The following MLIP variants were observed in gnomAD, a reference collection of about 807,000 sequenced individuals.
MLIP encodes the protein muscular LMNA-interacting protein.
A neutral mutation model predicts 84.8 loss-of-function variants in MLIP; 79 were observed. The ratio of observed to expected loss-of-function variants is 0.93; its 90% CI spans 0.78 to 1.12. The LOEUF is 1.12. MLIP is among the 50% of genes most tolerant of loss of function. MLIP has a pLI of 0.00. For missense variants in MLIP, 1,257 were observed against 1,160.6 expected (o/e 1.08, Z -1.21); for synonymous variants, 504 against 463.0 (o/e 1.09, Z -1.14).
chr6:54,123,761 C>G (rs1321309805), intron 2 of MLIP, among the ~76,000 whole-genome samples: 1 of 152,184 alleles, frequency 6.6e-6, no homozygotes, highest in Non-Finnish European at 1.5e-5. Flanking sequence ...TAAACACAAT[C>G]TCAGTATACA....
chr6:54,139,186 A>G (rs1428519961), intron 4 of MLIP, among the ~76,000 whole-genome samples: 1 of 152,202 alleles, frequency 6.6e-6, no homozygotes, highest in Non-Finnish European at 1.5e-5. Flanking sequence ...TCTTAGAATA[A>G]TTCAATTTTA....
chr6:54,139,997 G>T (rs1772150780), intron 4 of MLIP, among the ~76,000 whole-genome samples: 1 of 152,022 alleles, frequency 6.6e-6, no homozygotes, highest in Non-Finnish European at 1.5e-5. Flanking sequence ...AACTTTTTCT[G>T]TGATTCTCAA....
intron 1 of MLIP, among the ~76,000 whole-genome samples, chr6:54,073,794 A>G (rs575703003): frequency 6.6e-6 from 1 of 152,334 alleles, no homozygotes; most frequent in Non-Finnish European, 1.5e-5. Flanking sequence ...CATAACTGAA[A>G]TCTCAAATTT....
intron 1 of MLIP, among the ~76,000 whole-genome samples, chr6:54,099,869 G>T (rs1039615462): frequency 1.3e-5 from 2 of 152,098 alleles, no homozygotes; most frequent in African/African-American, 2.4e-5. Flanking sequence ...TTTATGAAGA[G>T]ATATAAGGGT....
intron 12 of MLIP, among the ~76,000 whole-genome samples, chr6:54,235,948 C>A (rs1478449736): frequency 6.6e-6 from 1 of 152,158 alleles, no homozygotes; most frequent in East Asian, 1.9e-4. Flanking sequence ...TCCTTATCAA[C>A]TGTAGGTCAG....
At chr6:54,095,299 G>T (rs530301307) in intron 1 of MLIP, among the ~76,000 whole-genome samples, 1 of 152,256 alleles carries the variant, frequency 6.6e-6, no homozygotes, top group Non-Finnish European at 1.5e-5. Flanking sequence ...CAGGTACATC[G>T]TGGGGAAGAC....
upstream of MLIP, among the ~76,000 whole-genome samples, chr6:54,108,886 G>A (rs898772287): frequency 1.3e-5 from 2 of 152,008 alleles, no homozygotes; most frequent in African/African-American, 2.4e-5. Flanking sequence ...GTTTCATAGC[G>A]TTTGAATCCA....
At chr6:54,054,953 T>C (rs1416177835) in intron 1 of MLIP, among the ~76,000 whole-genome samples, 1 of 152,024 alleles carries the variant, frequency 6.6e-6, no homozygotes, top group African/African-American at 2.4e-5. Context: ...ACTGGCTTGA[T>C]CTCGGCTCAC....
At chr6:54,099,207 T>A (rs1415749176) in intron 1 of MLIP, among the ~76,000 whole-genome samples, 1 of 152,014 alleles carries the variant, frequency 6.6e-6, no homozygotes, top group Non-Finnish European at 1.5e-5. Flanking sequence ...ATTTAAAAAA[T>A]AATTTAAATT....
chr6:54,147,662 C>G (rs1255442721), intron 4 of MLIP, among the ~76,000 whole-genome samples: 1 of 151,976 alleles, frequency 6.6e-6, no homozygotes, highest in East Asian at 1.9e-4. Flanking sequence ...CTTCGGAGCT[C>G]TTGTGCACGT....
intron 1 of MLIP, among the ~76,000 whole-genome samples, chr6:54,040,645 C>T (rs989052144): frequency 6.6e-6 from 1 of 151,898 alleles, no homozygotes; most frequent in Non-Finnish European, 1.5e-5. Flanking sequence ...TTCATAATAA[C>T]AAATACATAG....
At chr6:54,097,197 C>G (rs1191377207) in intron 1 of MLIP, among the ~76,000 whole-genome samples, 1 of 152,084 alleles carries the variant, frequency 6.6e-6, no homozygotes, top group African/African-American at 2.4e-5. Flanking sequence ...TAGTTTTGTT[C>G]TTGTTTGAGA....
intron 12 of MLIP, among the ~76,000 whole-genome samples, chr6:54,253,940 G>A (rs1325486432): frequency 1.3e-5 from 2 of 151,310 alleles, no homozygotes; most frequent in African/African-American, 2.4e-5. Context: ...ATCTTTCCAT[G>A]TTAAATAATG....
chr6:54,200,421 T>C (rs1778591289), intron 10 of MLIP, among the ~76,000 whole-genome samples: 1 of 151,702 alleles, frequency 6.6e-6, no homozygotes, highest in Non-Finnish European at 1.5e-5. Flanking sequence ...ATTTTCTGCC[T>C]CACAAGGGAG....
chr6:54,189,508 C>A (rs1019002814), intron 9 of MLIP, among the ~76,000 whole-genome samples: 3 of 151,974 alleles, frequency 2.0e-5, no homozygotes, highest in Admixed American at 6.6e-5. Context: ...AGCAACGATG[C>A]TGGTATGTTT....
intron 10 of MLIP, among the ~76,000 whole-genome samples, chr6:54,199,892 G>A (rs1778553992): frequency 6.6e-6 from 1 of 152,116 alleles, no homozygotes; most frequent in South Asian, 2.1e-4. Context: ...TAAATAGAAT[G>A]AGGAAGACTC....
At chr6:54,073,080 C>T (rs1354063065) in intron 1 of MLIP, among the ~76,000 whole-genome samples, 1 of 152,092 alleles carries the variant, frequency 6.6e-6, no homozygotes, top group Non-Finnish European at 1.5e-5. Context: ...CTGATGGGAC[C>T]CATTCCCTGC....
rs1360986307 is a variant in MLIP at position 54,041,296 on chromosome 6, G to A, written c.63+22205G>A. Among the ~76,000 whole-genome samples, 3 of 152,004 alleles carry A rather than the reference G, an allele frequency of 2.0e-5. No homozygotes were observed. The East Asian group carries it at 5.8e-4, about 29-fold the overall frequency. ...TTGAGTAGTATTGCATTGTATCGGT[G>A]TTCCACAGTTTGTTTAAACATTCAC... is the stretch of plus-strand genomic sequence containing the variant. On this transcript the variant is annotated intron_variant, in intron 1 of 12. Coordinates refer to the MLIP transcript ENST00000274897.
chr6:54,237,713 G>A (rs888022172), intron 12 of MLIP, among the ~76,000 whole-genome samples: 1 of 151,100 alleles, frequency 6.6e-6, no homozygotes, highest in Non-Finnish European at 1.5e-5. Context: ...AGCTGGGCAT[G>A]GTTTCGTGCA....
Sources: allele counts gnomAD v4.1 joint callset (sites outside exome capture counted in the v4.1 genomes callset), GRCh38; gene constraint gnomAD v4.1.1; transcripts MANE v1.5; gene names NCBI Gene and HGNC (gene_info 2026-07-23, HGNC 2026-07-21).